FBXO38: variants seen among roughly 807,000 people sequenced by gnomAD.
FBXO38 encodes F-box protein 38.
A neutral mutation model predicts 131.9 loss-of-function variants in FBXO38; 53 were observed. That is an observed-to-expected ratio of 0.40 (90% CI 0.32 to 0.51). The LOEUF is 0.51. Among genes scored for constraint, FBXO38 ranks in the 20% least tolerant of loss-of-function variants. The pLI, the probability that FBXO38 is intolerant of heterozygous loss-of-function variation, is 0.53. For missense variants in FBXO38, 1,076 were observed against 1,475.6 expected, an observed-to-expected ratio of 0.73 and a Z score of 4.44; for synonymous variants, 452 against 505.6, an observed-to-expected ratio of 0.89 and a Z score of 1.42.
At chr5:148,398,974 A>C in intron 2 of FBXO38, 25 bp from the exon 3 acceptor site, 1 of 1,612,292 alleles carries the variant, frequency 6.2e-7, no homozygotes, top group Admixed American at 1.7e-5. Context: ...CACTTGATAA[A>C]TACGAGTTTC....
chr5:148,415,802 C>A, intron 10 of FBXO38, 126 bp from the exon 11 acceptor site: 1 of 935,898 alleles, frequency 1.1e-6, no homozygotes, highest in South Asian at 1.6e-5. Flanking sequence ...TTTTAGAAGT[C>A]ATGAAAAAAA....
At chr5:148,409,927 A>C (rs1408368780) in intron 8 of FBXO38, among the ~76,000 whole-genome samples, 1 of 152,222 alleles carries the variant, frequency 6.6e-6, no homozygotes, top group Non-Finnish European at 1.5e-5. Flanking sequence ...GCAAAATGTC[A>C]AATACCAGCA....
At chr5:148,421,073 T>G (rs1753396585) in intron 12 of FBXO38, among the ~76,000 whole-genome samples, 1 of 151,962 alleles carries the variant, frequency 6.6e-6, no homozygotes, top group South Asian at 2.1e-4. Flanking sequence ...TTCAAGCGAT[T>G]CTCCTGCCTC....
intron 2 of FBXO38, among the ~76,000 whole-genome samples, chr5:148,395,936 T>A (rs1461182088): frequency 6.6e-6 from 1 of 152,154 alleles, no homozygotes; most frequent in East Asian, 1.9e-4. Context: ...TTTTAGGTAG[T>A]TTACCTATGA....
At chr5:148,422,061 T>TTA (rs1554081104) in intron 12 of FBXO38, among the ~76,000 whole-genome samples, 2 of 151,862 alleles carry the variant, frequency 1.3e-5, no homozygotes, top group Non-Finnish European at 1.5e-5. Context: ...TTTTTTTTTT[T>TTA]ACCTAAATGT....
chr5:148,420,127 G>GTT (rs71001489), intron 12 of FBXO38, among the ~76,000 whole-genome samples: 8 of 141,442 alleles, frequency 5.7e-5, no homozygotes, highest in Non-Finnish European at 1.2e-4. Flanking sequence ...TTTTTGTGGG[G>GTT]TTTTTTTTTT....
At chr5:148,423,246 T>A (rs1016596180) in intron 12 of FBXO38, among the ~76,000 whole-genome samples, 7 of 152,180 alleles carry the variant, frequency 4.6e-5, no homozygotes, top group Non-Finnish European at 5.9e-5. Context: ...TTGCTCATAG[T>A]TCCTGTAGTG....
chr5:148,388,712 G>T (rs1279242881), intron 1 of FBXO38, among the ~76,000 whole-genome samples: 1 of 152,188 alleles, frequency 6.6e-6, no homozygotes, highest in Admixed American at 6.5e-5. Context: ...CTCTGGATTA[G>T]TCTTTGGCTT....
intron 20 of FBXO38, 83 bp downstream of exon 20, chr5:148,440,610 T>C: frequency 3.8e-6 from 3 of 794,146 alleles, no homozygotes; most frequent in South Asian, 1.8e-5. Context: ...GAGGCTGAGG[T>C]GGGAGGATCA....
intron 14 of FBXO38, 57 bp from the exon 15 acceptor site, chr5:148,427,156 G>A (rs1256803774): frequency 7.2e-6 from 11 of 1,527,206 alleles, no homozygotes; most frequent in Non-Finnish European, 9.6e-6. Flanking sequence ...GTTTTGTCCA[G>A]AATTTATACT....
Position 148,410,705 on chromosome 5 carries a change from T to C in FBXO38, c.1033T>C (p.Leu345=). 6.2e-7 allele frequency: 1 copy of C among 1,613,948 alleles called. No homozygotes were observed. The highest frequency in any genetic ancestry group is 1.1e-5 in the South Asian group (1 of 91,064). ...CTTTTCTGCCCTAAAGATGGCAGAGTTGGAGTTTCCCCAGTTTGAAACCCT... is the reference window on the plus strand; with the variant it reads ...CTTTTCTGCCCTAAAGATGGCAGAGCTGGAGTTTCCCCAGTTTGAAACCCT... ...GVFSALKMAE[L]EFPQFETLHL... Residue 345 remains leucine (L), a synonymous_variant, in exon 9 of 22, where the codon TTG becomes CTG. Coordinates refer to ENST00000340253, the MANE Select transcript of FBXO38 (RefSeq NM_205836.3).
intron 11 of FBXO38, 126 bp from the exon 12 acceptor site, chr5:148,416,868 G>A (rs747531319): frequency 4.7e-6 from 3 of 641,124 alleles, no homozygotes; most frequent in Non-Finnish European, 8.3e-6. Flanking sequence ...GTATGTGAAA[G>A]CATTTCATAA....
At chr5:148,425,051 A>G (rs1753637628) in intron 13 of FBXO38, among the ~76,000 whole-genome samples, 1 of 152,232 alleles carries the variant, frequency 6.6e-6, no homozygotes, top group African/African-American at 2.4e-5. Context: ...CTAATGAGAT[A>G]GATCTATACT....
chr5:148,409,300 G>A, intron 8 of FBXO38, 83 bp downstream of exon 8: 5 of 834,866 alleles, frequency 6.0e-6, no homozygotes, highest in Non-Finnish European at 1.0e-5. Context: ...TGGAATGTGT[G>A]TGTATATATG....
At chr5:148,438,184 A>G (rs185573973) in intron 17 of FBXO38, 148 bp from the exon 18 acceptor site, 3 of 626,782 alleles carry the variant, frequency 4.8e-6, no homozygotes, top group Non-Finnish European at 7.5e-6. Flanking sequence ...ACATTTTCAA[A>G]TTTTTTTGTT....
In FBXO38 at chr5:148,440,546, T is replaced by G. The variant is rs971847757; in HGVS notation, c.3274+19T>G. The G allele has an allele frequency of 6.8e-7, 1 of 1,476,568 alleles. No homozygotes were observed. Among genetic ancestry groups the G allele is most frequent in the Non-Finnish European group, 9.5e-7 (1 of 1,058,160 alleles). The allele number at this position is 1,476,568 out of a possible 1,614,324, so 91.5% of individuals were successfully genotyped here. On this transcript the variant is annotated intron_variant, in intron 20 of 21. Coordinates refer to ENST00000340253, the MANE Select transcript of FBXO38 (RefSeq NM_205836.3). The stretch of plus-strand genomic sequence containing the variant: ...TTAGAAGGTGAGTATTTACAAATGT[T>G]TAGAAAGTTAAATAGCCTGTGCAGT...
intron 2 of FBXO38, among the ~76,000 whole-genome samples, chr5:148,396,416 G>A (rs571995919): frequency 1.1e-4 from 16 of 152,260 alleles, no homozygotes; most frequent in African/African-American, 3.6e-4. Flanking sequence ...CATCAGTGAG[G>A]AAAAGTTGGG....
chr5:148,434,153 C>A (rs1231849092), intron 17 of FBXO38: 4 of 152,616 alleles, frequency 2.6e-5, no homozygotes, highest in Non-Finnish European at 5.8e-5. Context: ...TTAATTGTAT[C>A]TTTACTTTGT....
chr5:148,384,166 C>T (rs1240780141), intron 1 of FBXO38, 127 bp downstream of exon 1: 1 of 152,484 alleles, frequency 6.6e-6, no homozygotes, highest in Non-Finnish European at 1.5e-5. Flanking sequence ...CGGCCTCTGG[C>T]CCCCTTGGGG....
Sources: gnomAD v4.1 joint callset for allele counts (sites outside exome capture counted in the v4.1 genomes callset) on GRCh38, gnomAD v4.1.1 for gene constraint, MANE v1.5 for transcripts, NCBI Gene and HGNC (gene_info 2026-07-23, HGNC 2026-07-21) for gene names.